TMEM260: variants seen among roughly 807,000 people sequenced by gnomAD.
TMEM260 encodes the protein protein O-mannosyl-transferase TMEM260.
In TMEM260, 82 loss-of-function variants were observed where a neutral mutation model predicts 88.9. The ratio of observed to expected loss-of-function variants is 0.92; its 90% CI spans 0.77 to 1.11. TMEM260 has a LOEUF of 1.11. Ranked by LOEUF, TMEM260 falls within the 50% of genes least tolerant of loss-of-function variation. The pLI is 0.00. For missense variants in TMEM260, 902 were observed against 853.4 expected, an observed-to-expected ratio of 1.06 and a Z score of -0.71; for synonymous variants, 314 against 309.3, an observed-to-expected ratio of 1.02 and a Z score of -0.16.
chr14:56,629,804 G>A lies in TMEM260; in HGVS notation c.1548-3191G>A, dbSNP rs185948175. Among the ~76,000 whole-genome samples the A allele has an allele frequency of 2.1e-3, 324 of 152,288 alleles. 1 individual carries two copies. The highest frequency in any genetic ancestry group is 7.2e-3 in the African/African-American group (299 of 41,566). ...TGTAATTCCAGCACTTTGGGAGGCT[G>A]AGGCAGGATTGCTTGAGCCCAGGAG... is the stretch of plus-strand genomic sequence containing the variant. On this transcript the variant is annotated intron_variant, in intron 12 of 15. Coordinates refer to ENST00000261556, the MANE Select transcript of TMEM260 (RefSeq NM_017799.4).
At chr14:56,621,106 AC>A (rs1887890040) in intron 10 of TMEM260, among the ~76,000 whole-genome samples, 1 of 152,186 alleles carries the variant, frequency 6.6e-6, no homozygotes, top group Non-Finnish European at 1.5e-5. Flanking sequence ...CAAATGCCAT[AC>A]AAATTCAAGT....
At chr14:56,612,335 CCTTT>C in intron 7 of TMEM260, 50 bp downstream of exon 7, 1 of 1,489,538 alleles carries the variant, frequency 6.7e-7, no homozygotes. Flanking sequence ...TCTATTAGTT[CCTTT>C]AAGTGATTTT....
chr14:56,634,237 T>A (rs542638204), intron 13 of TMEM260, among the ~76,000 whole-genome samples: 1 of 152,308 alleles, frequency 6.6e-6, no homozygotes, highest in East Asian at 1.9e-4. Context: ...GTTTCACAGC[T>A]CTTTGGCTCT....
chr14:56,623,275 C>T (rs899061049), intron 11 of TMEM260, among the ~76,000 whole-genome samples: 9 of 152,152 alleles, frequency 5.9e-5, no homozygotes, highest in Non-Finnish European at 1.3e-4. Context: ...AGTTCAGGGA[C>T]GTCAGTTTCT....
At chr14:56,639,512 G>A (rs1004478012) in intron 15 of TMEM260, among the ~76,000 whole-genome samples, 3 of 152,172 alleles carry the variant, frequency 2.0e-5, no homozygotes, top group Admixed American at 6.5e-5. Context: ...ATGTAGTATA[G>A]GAGGTGGAGC....
chr14:56,652,870 G>A (rs750804558), downstream of TMEM260, among the ~76,000 whole-genome samples: 3 of 152,140 alleles, frequency 2.0e-5, no homozygotes, highest in South Asian at 2.1e-4. Context: ...CTATGCAGTC[G>A]CCTGTATCCA....
At chr14:56,645,068 T>C (rs1048665153) in intron 15 of TMEM260, among the ~76,000 whole-genome samples, 5 of 150,604 alleles carry the variant, frequency 3.3e-5, no homozygotes, top group Non-Finnish European at 7.4e-5. Flanking sequence ...AGTTCAACCA[T>C]TGTGGAAGTC....
chr14:56,661,123 G>A, the TMEM260 span, among the ~76,000 whole-genome samples: 1 of 152,326 alleles, frequency 6.6e-6, no homozygotes, highest in East Asian at 1.9e-4. Context: ...CAGGTGTCAG[G>A]TGGCTGCAGG....
downstream of TMEM260, among the ~76,000 whole-genome samples, chr14:56,654,577 G>A (rs544083708): frequency 6.6e-6 from 1 of 152,134 alleles, no homozygotes; most frequent in South Asian, 2.1e-4. Context: ...CCAGCACTTT[G>A]GTAGGCCGAG....
intron 14 of TMEM260, among the ~76,000 whole-genome samples, chr14:56,635,324 C>T (rs765707626): frequency 1.2e-4 from 19 of 152,172 alleles, no homozygotes; most frequent in Admixed American, 2.0e-4. Flanking sequence ...ACCTCGCCTC[C>T]ATTTGTAATG....
chr14:56,612,180 T>C (rs1476588329), intron 6 of TMEM260, 65 bp from the exon 7 acceptor site: 1 of 1,411,832 alleles, frequency 7.1e-7, no homozygotes, highest in African/African-American at 1.4e-5. Flanking sequence ...ATTATTAAAA[T>C]ACAATAGCCT....
At chr14:56,636,712 C>A in intron 15 of TMEM260, 114 bp downstream of exon 15, 2 of 933,214 alleles carry the variant, frequency 2.1e-6, no homozygotes, top group South Asian at 1.6e-5. Context: ...TTATTTCTCT[C>A]AATTTGGGTG....
intron 15 of TMEM260, among the ~76,000 whole-genome samples, chr14:56,642,758 A>G (rs913924944): frequency 2.0e-5 from 3 of 151,972 alleles, no homozygotes; most frequent in African/African-American, 4.8e-5. Flanking sequence ...TTGATAGACC[A>G]CTAGCAAGAC....
intron 15 of TMEM260, among the ~76,000 whole-genome samples, chr14:56,645,207 C>A (rs369256127): frequency 2.7e-4 from 39 of 146,966 alleles, no homozygotes; most frequent in Middle Eastern, 3.4e-3. Flanking sequence ...ATGTTTATTG[C>A]GGCACTATTC....
intron 1 of TMEM260, 24 bp from the exon 2 acceptor site, chr14:56,584,977 T>A (rs1885394020): frequency 5.6e-6 from 9 of 1,605,884 alleles, no homozygotes; most frequent in Non-Finnish European, 7.7e-6. Flanking sequence ...TAGTAATTAT[T>A]GGTTTTACAT....
At chr14:56,597,783 TATGAA>T (rs1237221243) in intron 3 of TMEM260, among the ~76,000 whole-genome samples, 1 of 152,094 alleles carries the variant, frequency 6.6e-6, no homozygotes, top group Non-Finnish European at 1.5e-5. Context: ...TAAAAATTAT[TATGAA>T]ATGAAATTGG....
chr14:56,659,248 TTTTTTGGTTTTTG>T, the TMEM260 span, among the ~76,000 whole-genome samples: 13 of 139,932 alleles, frequency 9.3e-5, no homozygotes, highest in South Asian at 1.1e-3. Flanking sequence ...AGGGTTTTTG[TTTTTTGGTTTTTG>T]TTTTTTTTTT....
rs1312451805 is a variant in TMEM260, at chr14:56,636,494, A to G, written c.1779-14A>G. Reference sequence around the variant, plus strand: ...CTGTATGATTTTAATGAAGGTTCCTATCCCCACCCCCAGGATGAAAACACC... The same window carrying G: ...CTGTATGATTTTAATGAAGGTTCCTGTCCCCACCCCCAGGATGAAAACACC... On this transcript the variant is annotated splice_polypyrimidine_tract_variant and intron_variant, in intron 14 of 15. Coordinates refer to ENST00000261556, the MANE Select transcript of TMEM260 (RefSeq NM_017799.4). 1.2e-6 allele frequency: 2 copies of G among 1,612,450 alleles called. No homozygotes were observed. Among genetic ancestry groups the G allele is most frequent in the Non-Finnish European group, 1.7e-6 (2 of 1,178,580 alleles).
chr14:56,605,731 C>G, intron 5 of TMEM260, 48 bp downstream of exon 5: 1 of 1,122,528 alleles, frequency 8.9e-7, no homozygotes, highest in Non-Finnish European at 1.3e-6. Context: ...TTACTTAGGT[C>G]TAATATAACA....
Sources: allele counts gnomAD v4.1 joint callset (sites outside exome capture counted in the v4.1 genomes callset), GRCh38; gene constraint gnomAD v4.1.1; transcripts MANE v1.5; gene names NCBI Gene and HGNC (gene_info 2026-07-23, HGNC 2026-07-21).